The following CADM1 variants were observed in gnomAD, a reference collection of about 807,000 sequenced individuals.
The protein encoded by CADM1 is cell adhesion molecule 1.
In CADM1, 15 loss-of-function variants were observed where a neutral mutation model predicts 53.1. The ratio of observed to expected loss-of-function variants is 0.28; its 90% CI spans 0.19 to 0.44. The LOEUF (loss-of-function observed/expected upper bound fraction) is 0.44, where lower values mean the gene tolerates loss of function less well. Among genes scored for constraint, CADM1 ranks in the 20% least tolerant of loss-of-function variants. The pLI, the probability that CADM1 is intolerant of heterozygous loss-of-function variation, is 1.00. For synonymous variants in CADM1, 281 were observed against 243.0 expected (o/e 1.16, Z -1.45); for missense variants, 434 against 611.3 (o/e 0.71, Z 3.06).
rs542992279 is a variant in CADM1 at position 115,322,330 on chromosome 11, G to A, written c.125-81910C>T. The stretch of plus-strand genomic sequence containing the variant: ...TGGAAGACACAAAAATGAATCTGAC[G>A]CAGGCTGTTAAGCATATACAGCTGC... On this transcript the variant is annotated intron_variant, in intron 1 of 11. Coordinates refer to ENST00000331581, the MANE Select transcript of CADM1 (RefSeq NM_001301043.2). 1.7e-3 allele frequency among the ~76,000 whole-genome samples: 259 copies of A among 152,298 alleles called. 1 individual carries two copies. Among genetic ancestry groups the A allele is most frequent in the Middle Eastern group, 3.4e-3 (1 of 294 alleles).
rs369579687 is a variant in CADM1 at position 115,480,702 on chromosome 11, C to T, written c.124+23569G>A. ...TTGCTTCCTAGAATTTCTGAGTTCT[C>T]CTGGAGGGAGAACATTTCAAACCTT... On this transcript the variant is annotated intron_variant, in intron 1 of 11. Coordinates refer to ENST00000331581, the MANE Select transcript of CADM1 (RefSeq NM_001301043.2). Among the ~76,000 whole-genome samples the T allele has an allele frequency of 2.6e-4, 39 of 152,252 alleles. No individual in the cohort carries two copies. The South Asian group carries it at 5.0e-3, about 19-fold the overall frequency.
chr11:115,346,604 T>C (rs916593063), intron 1 of CADM1, among the ~76,000 whole-genome samples: 12 of 152,166 alleles, frequency 7.9e-5, no homozygotes, highest in African/African-American at 1.2e-4. Context: ...ACTTCTTTTT[T>C]GTTGGGGTGA....
At chr11:115,225,128 G>C (rs1941554867) in intron 5 of CADM1, among the ~76,000 whole-genome samples, 1 of 152,144 alleles carries the variant, frequency 6.6e-6, no homozygotes, top group Admixed American at 6.5e-5. Flanking sequence ...ATGAAAGCTA[G>C]AAAACTAAGA....
intron 1 of CADM1, among the ~76,000 whole-genome samples, chr11:115,485,827 T>TA (rs1193097909): frequency 2.0e-5 from 3 of 152,232 alleles, no homozygotes; most frequent in Non-Finnish European, 4.4e-5. Flanking sequence ...TTCAAATCTG[T>TA]ATCTGCAGCG....
chr11:115,474,290 CAAAAAAA>C (rs60168853), intron 1 of CADM1, among the ~76,000 whole-genome samples: 322 of 20,174 alleles, frequency 0.016, no homozygotes, highest in Middle Eastern at 0.062. Flanking sequence ...GACTCCATCT[CAAAAAAA>C]AAAAAAAAAA....
chr11:115,267,858 C>T (rs1024103639), intron 1 of CADM1, among the ~76,000 whole-genome samples: 8 of 151,456 alleles, frequency 5.3e-5, no homozygotes, highest in African/African-American at 1.7e-4. Flanking sequence ...AGGAACAGCC[C>T]CCTTGGAGGT....
At chr11:115,399,186 C>T (rs1053968443) in intron 1 of CADM1, 1 of 152,138 alleles carries the variant, frequency 6.6e-6, no homozygotes, top group East Asian at 1.9e-4. Context: ...AATACAACTC[C>T]AAAACCCAAG....
chr11:115,490,828 G>A (rs898126484), intron 1 of CADM1, among the ~76,000 whole-genome samples: 50 of 152,222 alleles, frequency 3.3e-4, no homozygotes, highest in African/African-American at 1.2e-3. Context: ...TGTGTTTCTT[G>A]GACAAGGGAC....
chr11:115,300,655 A>G (rs1944196149), intron 1 of CADM1, among the ~76,000 whole-genome samples: 1 of 152,090 alleles, frequency 6.6e-6, no homozygotes, highest in African/African-American at 2.4e-5. Context: ...CCTATTTACA[A>G]TGTACCTTAA....
At chr11:115,437,356 C>T (rs962337678) in intron 1 of CADM1, among the ~76,000 whole-genome samples, 2 of 152,168 alleles carry the variant, frequency 1.3e-5, no homozygotes, top group Non-Finnish European at 2.9e-5. Flanking sequence ...CCTAGATAGA[C>T]AAGACATGAG....
intron 1 of CADM1, among the ~76,000 whole-genome samples, chr11:115,296,536 T>C (rs1279111493): frequency 6.6e-6 from 1 of 152,146 alleles, no homozygotes; most frequent in Non-Finnish European, 1.5e-5. Context: ...TGGGTTGTTA[T>C]AAAGCCAGGA....
In CADM1 at chr11:115,170,307, ATG is replaced by A. The variant is rs987050146; in HGVS notation, c.*6165_*6166del. Reference sequence around the variant, plus strand: ...AAATGGGAGGCGCAGGTAGGTGTGCATGTGTGTGAGAGAAAAAGCAGTAGACA... The same window carrying A: ...AAATGGGAGGCGCAGGTAGGTGTGCATGTGTGAGAGAAAAAGCAGTAGACA... On this transcript the variant is annotated 3_prime_UTR_variant, in exon 12 of 12. Coordinates refer to ENST00000331581, the MANE Select transcript of CADM1 (RefSeq NM_001301043.2). 1 of 152,300 alleles carries A rather than the reference ATG, an allele frequency of 6.6e-6. No homozygotes were observed. Among genetic ancestry groups the A allele is most frequent in the African/African-American group, 2.4e-5 (1 of 41,422 alleles). The allele number at this position is 152,300 out of a possible 1,614,324, so 9.4% of individuals were successfully genotyped here.
Position 115,331,813 on chromosome 11 carries a change from CACAT to C in CADM1, c.125-91397_125-91394del, listed in dbSNP as rs1945136243. The stretch of plus-strand genomic sequence containing the variant: ...AATTTCTGACCACTATCAGGTGACA[CACAT>C]ACAAATATTCACATAGGCAGAGCTA... On this transcript the variant is annotated intron_variant, in intron 1 of 11. Transcript: ENST00000331581. 2.6e-5 allele frequency among the ~76,000 whole-genome samples: 4 copies of C among 151,634 alleles called. No homozygotes were observed. In the South Asian group the frequency reaches 8.3e-4, roughly 32 times the overall value.
rs960158755 is a variant in CADM1, at chr11:115,243,590, A to G, written c.125-3170T>C. On this transcript the variant is annotated intron_variant, in intron 1 of 11. Transcript: ENST00000331581. ...TGACAGTGATGAAAATACGGTATGT[A>G]TGTCAGTACTCTTAACTGCCTGAAG... 2.0e-5 allele frequency among the ~76,000 whole-genome samples: 3 copies of G among 152,200 alleles called. No homozygotes were observed. The South Asian group carries it at 6.2e-4, about 31-fold the overall frequency.
At chr11:115,305,518 C>T (rs777937464) in intron 1 of CADM1, among the ~76,000 whole-genome samples, 2 of 151,912 alleles carry the variant, frequency 1.3e-5, no homozygotes, top group Non-Finnish European at 1.5e-5. Context: ...TCAATCTTTT[C>T]TCTCCTCTCT....
chr11:115,344,311 A>G (rs1001788425), intron 1 of CADM1, among the ~76,000 whole-genome samples: 3 of 152,132 alleles, frequency 2.0e-5, no homozygotes, highest in African/African-American at 7.2e-5. Flanking sequence ...CCAAACTTCA[A>G]TGTCATATCT....
intron 1 of CADM1, among the ~76,000 whole-genome samples, chr11:115,358,548 C>G (rs1475883841): frequency 6.6e-6 from 1 of 152,178 alleles, no homozygotes; most frequent in African/African-American, 2.4e-5. Flanking sequence ...AAACCAGGTC[C>G]CTCCCACAAC....
chr11:115,196,688 C>T (rs1205169190), intron 9 of CADM1, among the ~76,000 whole-genome samples: 2 of 151,536 alleles, frequency 1.3e-5, no homozygotes, highest in Admixed American at 1.3e-4. Context: ...TCAAAGCCGT[C>T]CTGGGCCGCA....
At chr11:115,382,958 T>C (rs1269720621) in intron 1 of CADM1, among the ~76,000 whole-genome samples, 1 of 152,198 alleles carries the variant, frequency 6.6e-6, no homozygotes, top group Non-Finnish European at 1.5e-5. Context: ...GGACTTTACA[T>C]GTATTCCCAA....
Sources: gnomAD v4.1 joint callset for allele counts (sites outside exome capture counted in the v4.1 genomes callset) on GRCh38, gnomAD v4.1.1 for gene constraint, MANE v1.5 for transcripts, NCBI Gene and HGNC (gene_info 2026-07-23, HGNC 2026-07-21) for gene names.